SPRING1: variants seen among roughly 807,000 people sequenced by gnomAD.
SPRING1 encodes the protein SREBF pathway regulator in golgi 1.
A neutral mutation model predicts 24.7 loss-of-function variants in SPRING1; 14 were observed. The ratio of observed to expected loss-of-function variants is 0.57; its 90% CI spans 0.37 to 0.88. The LOEUF is 0.88. Among genes scored for constraint, SPRING1 ranks in the 40% least tolerant of loss-of-function variants. The probability of loss-of-function intolerance (pLI) is 0.00; values close to 1 mark genes in which losing one functional copy is unlikely to be tolerated. For missense variants in SPRING1, 255 were observed against 268.4 expected (o/e 0.95, Z 0.35); for synonymous variants, 93 against 106.1 (o/e 0.88, Z 0.76).
At chr12:116,723,321 C>G (rs935091767) in intron 1 of SPRING1, 98 bp from the exon 2 acceptor site, 11 of 1,392,516 alleles carry the variant, frequency 7.9e-6, no homozygotes, top group Non-Finnish European at 1.1e-5. Flanking sequence ...GACAGAAATA[C>G]TATAAAAGGC....
Position 116,717,547 on chromosome 12 carries a change from C to G in SPRING1, c.*263G>C. The G allele has an allele frequency of 2.8e-6, 1 of 363,238 alleles. No homozygotes were observed. Among genetic ancestry groups the G allele is most frequent in the South Asian group, 4.6e-5 (1 of 21,588 alleles). 22.5% of individuals were successfully genotyped at this position (363,238 alleles called of 1,614,324 possible). A position where few individuals can be genotyped will look rare whatever the true frequency, so the allele number is the denominator to read the frequency against. Reference sequence around the variant, plus strand: ...AGTCATCCAAGAACTCCACCACCACCGTGAGCCCGGCCTCCGGTTTCATCT... The same window carrying G: ...AGTCATCCAAGAACTCCACCACCACGGTGAGCCCGGCCTCCGGTTTCATCT... On this transcript the variant is annotated 3_prime_UTR_variant, in exon 5 of 5. Coordinates refer to ENST00000261318, the MANE Select transcript of SPRING1 (RefSeq NM_024738.4). The surrounding 1 kb of genome is among the most constrained non-coding windows in gnomAD (Gnocchi z 4.2).
rs1870356003 is a variant in SPRING1 at position 116,720,179 on chromosome 12, A to G, written c.420+117T>C. 2.3e-6 allele frequency: 3 copies of G among 1,328,700 alleles called. No individual in the cohort carries two copies. Among genetic ancestry groups the G allele is most frequent in the Non-Finnish European group, 3.0e-6 (3 of 992,010 alleles). The allele number at this position is 1,328,700 out of a possible 1,614,324, so 82.3% of individuals were successfully genotyped here. A position where few individuals can be genotyped will look rare whatever the true frequency, so the allele number is the denominator to read the frequency against. Reference sequence around the variant, plus strand: ...TTGTGCAGCAATTTCTGACACCTACAAAGCTCCTTTCTAAGTTTTATTTTC... The same window carrying G: ...TTGTGCAGCAATTTCTGACACCTACGAAGCTCCTTTCTAAGTTTTATTTTC... On this transcript the variant is annotated intron_variant, in intron 3 of 4. Coordinates refer to ENST00000261318, the MANE Select transcript of SPRING1 (RefSeq NM_024738.4). This position sits in a 1 kb window ranked among gnomAD's most constrained non-coding sequence, Gnocchi z 4.0.
At chr12:116,719,432 G>A (rs1323661546) in intron 4 of SPRING1, among the ~76,000 whole-genome samples, 2 of 152,148 alleles carry the variant, frequency 1.3e-5, no homozygotes, top group Non-Finnish European at 2.9e-5. Context: ...CAAAGACAGG[G>A]AGGAGGGCCT....
chr12:116,726,248 C>T (rs1270719839), intron 1 of SPRING1, among the ~76,000 whole-genome samples: 1 of 152,176 alleles, frequency 6.6e-6, no homozygotes, highest in Non-Finnish European at 1.5e-5. Flanking sequence ...GATAATACTG[C>T]AATAAAATGT....
intron 1 of SPRING1, among the ~76,000 whole-genome samples, chr12:116,729,539 TTA>T: frequency 6.6e-6 from 1 of 152,218 alleles, no homozygotes; most frequent in Non-Finnish European, 1.5e-5. Context: ...TGCAACAGCG[TTA>T]TTCATAATAA....
intron 1 of SPRING1, among the ~76,000 whole-genome samples, chr12:116,724,186 C>T (rs1170909125): frequency 6.6e-6 from 1 of 152,064 alleles, no homozygotes; most frequent in Non-Finnish European, 1.5e-5. Context: ...GCTTTTTAAG[C>T]AAAAGGGACT....
chr12:116,719,869 A>G lies in SPRING1; in HGVS notation c.428T>C (p.Leu143Pro). The G allele has an allele frequency of 6.2e-7, 1 of 1,614,150 alleles. No individual in the cohort carries two copies. Among genetic ancestry groups the G allele is most frequent in the South Asian group, 1.1e-5 (1 of 91,084 alleles). ...TGCCCGGTTGAGGAAGCGCTCCAGG[A>G]GAAGTTGCTATGGAAACAAAAGTTA... Reference protein sequence around the residue: ...SCCLQPNKQLLLERFLNRAAV... With the variant: ...SCCLQPNKQLPLERFLNRAAV... The change falls in exon 4 of 5, where the codon CTC (leucine) becomes CCC (proline). Residue 143 changes from leucine (L) to proline (P), a missense_variant. By Grantham distance (98) the Leu-to-Pro change is moderately conservative (BLOSUM62 -3). Transcript: ENST00000261318.
chr12:116,723,161 C>A lies in SPRING1; in HGVS notation c.174G>T (p.Pro58=), dbSNP rs775703763. ...TGCCCAAGTTAAACTGCACTTTCCA[C>A]GGGATGGGCTGATTATGGTCATGAA... The part of the protein sequence containing the change: ...LQVHDHNQPI[P]WKVQFNLGNS... Residue 58 remains proline (P), a synonymous_variant, in exon 2 of 5, where the codon CCG becomes CCT. Transcript: ENST00000261318. 3.2e-5 allele frequency: 51 copies of A among 1,613,810 alleles called. No homozygotes were observed. The highest frequency in any genetic ancestry group is 4.1e-5 in the Non-Finnish European group (48 of 1,180,030).
In SPRING1 at chr12:116,711,998, T is replaced by C. The variant is rs1044404866; in HGVS notation, c.*5812A>G. ...ACCCCACGTTGCATAAAAAAAAGTA[T>C]GAATTTAAAAATTCCAAGAGTAAAC... On this transcript the variant is annotated 3_prime_UTR_variant, in exon 5 of 5. Transcript: ENST00000261318. The C allele has an allele frequency of 5.3e-5, 8 of 152,216 alleles. No homozygotes were observed. The highest frequency in any genetic ancestry group is 1.9e-4 in the African/African-American group (8 of 41,462). 9.4% of individuals were successfully genotyped at this position (152,216 alleles called of 1,614,324 possible). A position where few individuals can be genotyped will look rare whatever the true frequency, so the allele number is the denominator to read the frequency against.
At chr12:116,719,938 C>G in intron 3 of SPRING1, 62 bp from the exon 4 acceptor site, 1 of 1,381,668 alleles carries the variant, frequency 7.2e-7, no homozygotes, top group Non-Finnish European at 1.0e-6. Context: ...GTGACCTTGG[C>G]TATCTCTCCT....
rs1869984553 is a variant in SPRING1 at position 116,713,921 on chromosome 12, T to C, written c.*3889A>G. 1 of 152,210 alleles carries C rather than the reference T, an allele frequency of 6.6e-6. No homozygotes were observed. Among genetic ancestry groups the C allele is most frequent in the Non-Finnish European group, 1.5e-5 (1 of 68,034 alleles). The allele number at this position is 152,210 out of a possible 1,614,324, so 9.4% of individuals were successfully genotyped here. On this transcript the variant is annotated 3_prime_UTR_variant, in exon 5 of 5. Transcript: ENST00000261318. Reference sequence around the variant, plus strand: ...CATCCTTACGTGCTCCTGAATTATCTGAAATATCGTATCTTTAAAAACAGT... The same window carrying C: ...CATCCTTACGTGCTCCTGAATTATCCGAAATATCGTATCTTTAAAAACAGT...
chr12:116,726,661 C>T (rs1870708057), intron 1 of SPRING1, among the ~76,000 whole-genome samples: 1 of 74,686 alleles, frequency 1.3e-5, no homozygotes, highest in Non-Finnish European at 2.8e-5. Flanking sequence ...CTACTGGGAC[C>T]CTATCAGTTA....
chr12:116,717,689 T>G lies in SPRING1; in HGVS notation c.*121A>C. 2.3e-6 allele frequency: 2 copies of G among 873,338 alleles called. No homozygotes were observed. The highest frequency in any genetic ancestry group is 3.4e-6 in the Non-Finnish European group (2 of 584,776). The allele number at this position is 873,338 out of a possible 1,614,324, so 54.1% of individuals were successfully genotyped here. A position where few individuals can be genotyped will look rare whatever the true frequency, so the allele number is the denominator to read the frequency against. ...ACACGAGAAGGGGTCAAAGCCAAGG[T>G]TTCCTCACGCTGCCTTTGTCTTCTT... On this transcript the variant is annotated 3_prime_UTR_variant, in exon 5 of 5. Coordinates refer to ENST00000261318, the MANE Select transcript of SPRING1 (RefSeq NM_024738.4). The surrounding 1 kb of genome is among the most constrained non-coding windows in gnomAD (Gnocchi z 4.2).
Position 116,723,052 on chromosome 12 carries a change from G to A in SPRING1, c.268+15C>T. The A allele has an allele frequency of 6.2e-7, 1 of 1,612,234 alleles. No homozygotes were observed. Among genetic ancestry groups the A allele is most frequent in the Non-Finnish European group, 8.5e-7 (1 of 1,179,976 alleles). ...CGCTCCTGACCGCCTGGAGAGGAAG[G>A]GAAGCCAGCCTCACCGAGTTCATCC... On this transcript the variant is annotated intron_variant, in intron 2 of 4. Transcript: ENST00000261318.
intron 1 of SPRING1, among the ~76,000 whole-genome samples, chr12:116,734,966 C>T (rs1298951976): frequency 1.3e-5 from 2 of 152,128 alleles, no homozygotes; most frequent in East Asian, 3.8e-4. Flanking sequence ...GAGAAGAAGA[C>T]AAGAATGGAA....
Position 116,738,010 on chromosome 12 carries a change from C to G in SPRING1, c.-110G>C, listed in dbSNP as rs572344765. ...CAGCCCCATCCCTCCAGGCAGGCGC[C>G]GGCCCCGCCGCCCGCAGCCCAGTCT... On this transcript the variant is annotated 5_prime_UTR_variant, in exon 1 of 5. Coordinates refer to ENST00000261318, the MANE Select transcript of SPRING1 (RefSeq NM_024738.4). 1.8e-6 allele frequency: 2 copies of G among 1,122,396 alleles called. No individual in the cohort carries two copies. Among genetic ancestry groups the G allele is most frequent in the Admixed American group, 1.0e-4 (2 of 19,982 alleles). 69.5% of individuals were successfully genotyped at this position (1,122,396 alleles called of 1,614,324 possible).
At chr12:116,721,440 A>C (rs1336826703) in intron 2 of SPRING1, among the ~76,000 whole-genome samples, 2 of 152,242 alleles carry the variant, frequency 1.3e-5, no homozygotes, top group African/African-American at 2.4e-5. Context: ...TTCAGAAACT[A>C]CTTTAGAAAA....
Position 116,737,967 on chromosome 12 carries a change from T to G in SPRING1, c.-67A>C. The G allele has an allele frequency of 8.0e-7, 1 of 1,257,458 alleles. No homozygotes were observed. The highest frequency in any genetic ancestry group is 1.0e-6 in the Non-Finnish European group (1 of 996,094). 77.9% of individuals were successfully genotyped at this position (1,257,458 alleles called of 1,614,324 possible). On this transcript the variant is annotated 5_prime_UTR_variant, in exon 1 of 5. The change abolishes an upstream ATG in the 5' untranslated region. Transcript: ENST00000261318. ...CGGCAGGCCCGGGTCCCGGGCGGCA[T>G]GGCCCCTACGCGCCCGGCAGCCCCA...
chr12:116,737,978 C>T lies in SPRING1; in HGVS notation c.-78G>A. ...GGTCCCGGGCGGCATGGCCCCTACGCGCCCGGCAGCCCCATCCCTCCAGGC... is the reference window on the plus strand; with the variant it reads ...GGTCCCGGGCGGCATGGCCCCTACGTGCCCGGCAGCCCCATCCCTCCAGGC... On this transcript the variant is annotated 5_prime_UTR_variant, in exon 1 of 5. Coordinates refer to ENST00000261318, the MANE Select transcript of SPRING1 (RefSeq NM_024738.4). The T allele has an allele frequency of 9.0e-6, 11 of 1,219,364 alleles. No homozygotes were observed. Among genetic ancestry groups the T allele is most frequent in the Non-Finnish European group, 1.1e-5 (11 of 973,506 alleles). 75.5% of individuals were successfully genotyped at this position (1,219,364 alleles called of 1,614,324 possible).
Sources: allele counts gnomAD v4.1 joint callset (sites outside exome capture counted in the v4.1 genomes callset), GRCh38; gene constraint gnomAD v4.1.1; non-coding constraint Gnocchi (gnomAD v3.1); transcripts MANE v1.5; gene names NCBI Gene and HGNC (gene_info 2026-07-23, HGNC 2026-07-21).